ADK: variants seen among roughly 807,000 people sequenced by gnomAD.
The protein encoded by ADK is N6,N6-dimethyladenosine kinase.
ADK carries 24 observed loss-of-function variants against 44.7 expected under a neutral mutation model. The observed-to-expected ratio is 0.54, with a 90% confidence interval of 0.39 to 0.76. ADK has a LOEUF of 0.76. ADK is among the 30% of genes least tolerant of loss of function. ADK has a pLI of 0.00. For synonymous variants in ADK, 128 were observed against 142.6 expected (o/e 0.90, Z 0.73); for missense variants, 321 against 425.1 (o/e 0.76, Z 2.15).
intron 6 of ADK, among the ~76,000 whole-genome samples, chr10:74,486,711 G>A (rs978010825): frequency 6.6e-5 from 10 of 152,088 alleles, no homozygotes; most frequent in East Asian, 1.9e-4. Context: ...CTGTTTGAGC[G>A]TATTCAACTG....
chr10:74,358,561 G>A (rs1216203328), intron 4 of ADK, among the ~76,000 whole-genome samples: 1 of 152,112 alleles, frequency 6.6e-6, no homozygotes, highest in African/African-American at 2.4e-5. Context: ...TATGAATGCA[G>A]TTTTATACTA....
chr10:74,163,341 G>A (rs1215456001), intron 1 of ADK, among the ~76,000 whole-genome samples: 3 of 152,170 alleles, frequency 2.0e-5, no homozygotes, highest in Non-Finnish European at 4.4e-5. Context: ...GTAGAATTGC[G>A]TATTTGGGGG....
chr10:74,565,740 A>C (rs893921371), intron 7 of ADK, among the ~76,000 whole-genome samples: 4 of 151,538 alleles, frequency 2.6e-5, no homozygotes, highest in Non-Finnish European at 5.9e-5. Flanking sequence ...AAAAAAAAAA[A>C]AAAAAAAAAC....
At chr10:74,490,053 A>G (rs1186300317) in intron 6 of ADK, among the ~76,000 whole-genome samples, 1 of 151,972 alleles carries the variant, frequency 6.6e-6, no homozygotes, top group Admixed American at 6.6e-5. Context: ...CATGTAACCA[A>G]TATTTCTGAA....
intron 7 of ADK, among the ~76,000 whole-genome samples, chr10:74,567,682 TTTTTTTTGTTTTTTTTG>T (rs1485686892): frequency 2.9e-5 from 4 of 136,590 alleles, no homozygotes; most frequent in African/African-American, 1.2e-4. Context: ...TCTCTCTCTG[TTTTTTTTGTTTTTTTTG>T]TTTTTTTTTT....
At chr10:74,383,147 A>G (rs1211432515) in intron 4 of ADK, among the ~76,000 whole-genome samples, 1 of 152,070 alleles carries the variant, frequency 6.6e-6, no homozygotes, top group Admixed American at 6.6e-5. Flanking sequence ...TAATAATAAT[A>G]ATTAAAATTT....
At chr10:74,210,599 C>T (rs1843778451) in intron 2 of ADK, among the ~76,000 whole-genome samples, 1 of 152,014 alleles carries the variant, frequency 6.6e-6, no homozygotes, top group Non-Finnish European at 1.5e-5. Context: ...ATAGCCACTG[C>T]ACTCCATCCT....
At chr10:74,627,653 C>T (rs1007371398) in intron 9 of ADK, among the ~76,000 whole-genome samples, 4 of 150,850 alleles carry the variant, frequency 2.7e-5, no homozygotes, top group Non-Finnish European at 4.4e-5. Flanking sequence ...TTTTCTGAGA[C>T]GGAGTCTCGC....
At position 74,294,379 on chromosome 10, in the gene ADK, C is replaced by T. The variant is rs184670572; in HGVS notation, c.195-20288C>T. Among the ~76,000 whole-genome samples, 220 of 152,068 alleles carry T rather than the reference C, an allele frequency of 1.4e-3. 1 individual carries two copies. The highest frequency in any genetic ancestry group is 4.7e-3 in the African/African-American group (195 of 41,488). On this transcript the variant is annotated intron_variant, in intron 3 of 10. Coordinates refer to ENST00000539909, the MANE Select transcript of ADK (RefSeq NM_006721.4). The stretch of plus-strand genomic sequence containing the variant: ...TCGGCTCATTGCAACCTCCACCTCC[C>T]GGGTTCAAGTGATTCTCCTATCTCA...
intron 6 of ADK, among the ~76,000 whole-genome samples, chr10:74,477,887 G>T (rs1846916766): frequency 6.6e-6 from 1 of 152,080 alleles, no homozygotes. Context: ...TTATCTCTTG[G>T]TTTGCTGAGG....
intron 4 of ADK, among the ~76,000 whole-genome samples, chr10:74,338,475 C>T (rs1342679799): frequency 6.6e-6 from 1 of 152,130 alleles, no homozygotes; most frequent in East Asian, 1.9e-4. Context: ...CAAATATTTA[C>T]ATCAGCTTAA....
chr10:74,286,967 A>T (rs1272322339), intron 3 of ADK, among the ~76,000 whole-genome samples: 1 of 152,136 alleles, frequency 6.6e-6, no homozygotes, highest in Non-Finnish European at 1.5e-5. Flanking sequence ...GATTACAAGC[A>T]TGAGCCACCG....
chr10:74,300,677 C>T (rs1840000284), intron 3 of ADK, among the ~76,000 whole-genome samples: 1 of 152,116 alleles, frequency 6.6e-6, no homozygotes, highest in Admixed American at 6.5e-5. Context: ...CTGTGGCAGC[C>T]TTTATATGGT....
chr10:74,259,671 A>G (rs1323851287), intron 3 of ADK, among the ~76,000 whole-genome samples: 1 of 151,342 alleles, frequency 6.6e-6, no homozygotes, highest in Non-Finnish European at 1.5e-5. Context: ...GTTAGCCAGG[A>G]TGGTCTCGAT....
intron 3 of ADK, among the ~76,000 whole-genome samples, chr10:74,308,834 G>A (rs143402748): frequency 3.9e-5 from 6 of 152,032 alleles, no homozygotes; most frequent in African/African-American, 1.4e-4. Context: ...TATGCTGAGC[G>A]CACACACACT....
At chr10:74,644,204 A>G (rs1222188990) in intron 9 of ADK, among the ~76,000 whole-genome samples, 1 of 152,212 alleles carries the variant, frequency 6.6e-6, no homozygotes, top group Non-Finnish European at 1.5e-5. Context: ...ACTGTTAAAG[A>G]GCAGGAATAA....
At chr10:74,398,347 A>G in intron 5 of ADK, 124 bp from the exon 6 acceptor site, 1 of 509,650 alleles carries the variant, frequency 2.0e-6, no homozygotes, top group Non-Finnish European at 3.5e-6. Context: ...AATCAATAAC[A>G]TTAGTTTTGA....
intron 6 of ADK, among the ~76,000 whole-genome samples, chr10:74,404,888 ATTC>A (rs1239014909): frequency 3.3e-5 from 5 of 152,050 alleles, no homozygotes; most frequent in Admixed American, 2.6e-4. Flanking sequence ...GCCTTAGTGT[ATTC>A]TTCTTCATGT....
At chr10:74,529,665 G>A (rs915988478) in intron 7 of ADK, among the ~76,000 whole-genome samples, 3 of 152,178 alleles carry the variant, frequency 2.0e-5, no homozygotes, top group Non-Finnish European at 1.5e-5. Flanking sequence ...CTACGTGGCT[G>A]TAAGTCATGG....
Sources: gnomAD v4.1 joint callset for allele counts (sites outside exome capture counted in the v4.1 genomes callset) on GRCh38, gnomAD v4.1.1 for gene constraint, MANE v1.5 for transcripts, NCBI Gene and HGNC (gene_info 2026-07-23, HGNC 2026-07-21) for gene names.